C4orf50: variants seen among roughly 807,000 people sequenced by gnomAD.
The protein encoded by C4orf50 is uncharacterized protein C4orf50.
In C4orf50, 80 loss-of-function variants were observed where a neutral mutation model predicts 77.2. The ratio of observed to expected loss-of-function variants is 1.04; its 90% CI spans 0.87 to 1.25. The LOEUF (loss-of-function observed/expected upper bound fraction) is 1.25. C4orf50 is among the 50% of genes most tolerant of loss of function. C4orf50 has a pLI of 0.00. For synonymous variants in C4orf50, 532 were observed against 465.3 expected (o/e 1.14, Z -1.84); for missense variants, 1,257 against 1,152.9 (o/e 1.09, Z -1.31).
In C4orf50 at chr4:5,959,932, G is replaced by A. The variant is rs145109541; in HGVS notation, c.4276-306C>T. 7.0e-4 allele frequency among the ~76,000 whole-genome samples: 106 copies of A among 152,214 alleles called. No individual in the cohort carries two copies. The East Asian group carries it at 7.8e-3, about 11-fold the overall frequency. On this transcript the variant is annotated intron_variant, in intron 33 of 33. Coordinates refer to ENST00000531445, the Ensembl canonical transcript of C4orf50. ...CATGAGCGGGCGTTCCTGTAGAGTG[G>A]ATATCCTCTATAAATTTTCTCCTTC...
intron 7 of C4orf50, among the ~76,000 whole-genome samples, chr4:5,946,856 A>G (rs924869036): frequency 3.3e-5 from 5 of 152,272 alleles, no homozygotes; most frequent in Non-Finnish European, 7.3e-5. Flanking sequence ...TTCTGCAGAA[A>G]GTAAAGATTG....
At position 5,908,870 on chromosome 4, in the gene C4orf50, T is replaced by C. The variant is rs917324050; in HGVS notation, c.*2475-10682A>G. Among the ~76,000 whole-genome samples, 9 of 152,136 alleles carry C rather than the reference T, an allele frequency of 5.9e-5. No homozygotes were observed. The highest frequency in any genetic ancestry group is 1.9e-4 in the African/African-American group (8 of 41,432). On this transcript the variant is annotated intron_variant, in intron 7 of 7. Coordinates refer to the C4orf50 transcript ENST00000324058. The surrounding 1 kb of genome is among the most constrained non-coding windows in gnomAD (Gnocchi z 5.6). Reference sequence around the variant, plus strand: ...TCAAAGAAGAACCAGCCTGACCTACTTCAAAGATTTAAAATGCCTGGAAAG... The same window carrying C: ...TCAAAGAAGAACCAGCCTGACCTACCTCAAAGATTTAAAATGCCTGGAAAG...
chr4:5,907,489 T>G lies in C4orf50; in HGVS notation c.*2475-9301A>C, dbSNP rs1246426188. On this transcript the variant is annotated intron_variant, in intron 7 of 7. Transcript: ENST00000324058. ...ATTCTAAAAGAAGACTTTAAAATAT[T>G]AATGATCACAATATTTGCATATATG... 2.6e-5 allele frequency among the ~76,000 whole-genome samples: 4 copies of G among 152,178 alleles called. No individual in the cohort carries two copies. The East Asian group carries it at 7.7e-4, about 29-fold the overall frequency.
intron 7 of C4orf50, among the ~76,000 whole-genome samples, chr4:5,943,929 T>G (rs1718375894): frequency 6.6e-6 from 1 of 152,192 alleles, no homozygotes; most frequent in Admixed American, 6.5e-5. Flanking sequence ...TGACAGGGCA[T>G]GGCCAGACAG....
At chr4:5,959,772 C>T in intron 33 of C4orf50, 146 bp from the exon 12 acceptor site, 1 of 896,664 alleles carries the variant, frequency 1.1e-6, no homozygotes, top group East Asian at 2.7e-5. Context: ...ATACTCCTCA[C>T]ACATTGGCTC....
At chr4:5,995,543 G>C (rs887322360) in intron 25 of C4orf50, among the ~76,000 whole-genome samples, 1 of 148,178 alleles carries the variant, frequency 6.7e-6, no homozygotes, top group African/African-American at 2.5e-5. Context: ...CCACTCACGA[G>C]GGGCTGGGCA....
chr4:6,011,645 A>C lies in C4orf50; in HGVS notation c.426+185T>G, dbSNP rs1722497986. On this transcript the variant is annotated intron_variant, in intron 24 of 33. Coordinates refer to ENST00000531445, the Ensembl canonical transcript of C4orf50. This position sits in a 1 kb window ranked among gnomAD's most constrained non-coding sequence, Gnocchi z 4.2. The stretch of plus-strand genomic sequence containing the variant: ...CAGCAAGTGTACAGCCCCCACCCCC[A>C]CATCCCTGCATGCCCCAGGCCCCGC... Among the ~76,000 whole-genome samples, 1 of 151,844 alleles carries C rather than the reference A, an allele frequency of 6.6e-6. No individual in the cohort carries two copies. The highest frequency in any genetic ancestry group is 2.4e-5 in the African/African-American group (1 of 41,332).
Position 5,916,619 on chromosome 4 carries a change from CA to C in C4orf50, c.*2475-18432del, listed in dbSNP as rs1717037776. Among the ~76,000 whole-genome samples the C allele has an allele frequency of 6.6e-6, 1 of 152,182 alleles. No homozygotes were observed. Among genetic ancestry groups the C allele is most frequent in the Non-Finnish European group, 1.5e-5 (1 of 68,038 alleles). ...TCAAAAGCAGAGCCTGAGACCCAGA[CA>C]GGGGTGCAGGTGGTTTATTTGGGGG... On this transcript the variant is annotated intron_variant, in intron 7 of 7. Coordinates refer to the C4orf50 transcript ENST00000324058. The surrounding 1 kb of genome is among the most constrained non-coding windows in gnomAD (Gnocchi z 4.4).
intron 25 of C4orf50, among the ~76,000 whole-genome samples, chr4:6,004,393 G>A (rs370246318): frequency 6.7e-5 from 2 of 30,030 alleles, no homozygotes; most frequent in African/African-American, 1.7e-4. Context: ...GGTGATGGTG[G>A]TGATGGTGAT....
intron 31 of C4orf50, among the ~76,000 whole-genome samples, chr4:5,973,190 A>G (rs751422346): frequency 7.8e-4 from 118 of 152,166 alleles, no homozygotes; most frequent in Non-Finnish European, 1.2e-3. Flanking sequence ...GGCCACGTGC[A>G]ATGGAGCACA....
At chr4:5,924,738 G>C (rs1178658399) in intron 7 of C4orf50, among the ~76,000 whole-genome samples, 1 of 152,188 alleles carries the variant, frequency 6.6e-6, no homozygotes, top group African/African-American at 2.4e-5. Context: ...TGGGGAGAGG[G>C]GTATCCACTT....
rs1487218697 is a variant in C4orf50 at position 6,008,335 on chromosome 4, G to A, written c.624C>T (p.Asn208=). The change falls in exon 25 of 34, where the codon AAC becomes AAT. Residue 208 remains asparagine, a synonymous_variant. Coordinates refer to ENST00000531445, the Ensembl canonical transcript of C4orf50. This position sits in a 1 kb window ranked among gnomAD's most constrained non-coding sequence, Gnocchi z 6.0. The stretch of plus-strand genomic sequence containing the variant: ...CCGCGGCGCGGCAGAGGCGCCGCAC[G>A]TTGCGCTCCAGCCGCTGCACCTGCT... 3.1e-5 allele frequency: 12 copies of A among 389,356 alleles called. No individual in the cohort carries two copies. Among genetic ancestry groups the A allele is most frequent in the Admixed American group, 1.3e-4 (3 of 22,378 alleles). The allele number at this position is 389,356 out of a possible 1,614,324, so 24.1% of individuals were successfully genotyped here.
chr4:5,989,492 C>T (rs568171098), exon 28 of C4orf50: 21 of 1,536,122 alleles, frequency 1.4e-5, no homozygotes, highest in Admixed American at 1.2e-4. Context: ...TGAGAGTGAG[C>T]TCTCTCCCAG....
rs573948612 is a variant in C4orf50 at position 5,924,563 on chromosome 4, G to A, written c.*2475-26375C>T. Among the ~76,000 whole-genome samples, 55 of 152,298 alleles carry A rather than the reference G, an allele frequency of 3.6e-4. 1 individual carries two copies. In the South Asian group the frequency reaches 0.011, roughly 30 times the overall value. ...GGCCTGGCCCCGAGCATGAGCCGCTGTGAACCGTCAATCCCTGGCTATAGG... is the reference window on the plus strand; with the variant it reads ...GGCCTGGCCCCGAGCATGAGCCGCTATGAACCGTCAATCCCTGGCTATAGG... On this transcript the variant is annotated intron_variant, in intron 7 of 7. Transcript: ENST00000324058.
At chr4:5,954,300 C>T (rs1036882743), downstream of C4orf50, among the ~76,000 whole-genome samples, 3 of 152,010 alleles carry the variant, frequency 2.0e-5, no homozygotes, top group African/African-American at 7.2e-5. The surrounding 1 kb of genome is among the most constrained non-coding windows in gnomAD (Gnocchi z 4.7). Flanking sequence ...TACCAGGGAC[C>T]CAGCCCCGGG....
chr4:5,937,765 A>G (rs570320852), intron 7 of C4orf50, among the ~76,000 whole-genome samples: 8 of 152,310 alleles, frequency 5.3e-5, no homozygotes, highest in African/African-American at 1.9e-4. Flanking sequence ...TACTAGCCCA[A>G]GAAACTCAGA....
intron 23 of C4orf50, among the ~76,000 whole-genome samples, chr4:6,012,565 C>A (rs1722532914): frequency 6.6e-6 from 1 of 152,208 alleles, no homozygotes; most frequent in African/African-American, 2.4e-5. Flanking sequence ...ATTACTTAGT[C>A]TTCCAGATGA....
rs531372262 is a variant in C4orf50, at chr4:5,916,604, A to G, written c.*2475-18416T>C. Among the ~76,000 whole-genome samples, 2 of 152,304 alleles carry G rather than the reference A, an allele frequency of 1.3e-5. No individual in the cohort carries two copies. Among genetic ancestry groups the G allele is most frequent in the South Asian group, 4.1e-4 (2 of 4,826 alleles). On this transcript the variant is annotated intron_variant, in intron 7 of 7. Coordinates refer to the C4orf50 transcript ENST00000324058. This position sits in a 1 kb window ranked among gnomAD's most constrained non-coding sequence, Gnocchi z 4.4. ...TTGGATTGGGCACCCTCAAAAGCAGAGCCTGAGACCCAGACAGGGGTGCAG... is the reference window on the plus strand; with the variant it reads ...TTGGATTGGGCACCCTCAAAAGCAGGGCCTGAGACCCAGACAGGGGTGCAG...
chr4:5,988,525 C>A (rs751250160), exon 28 of C4orf50: 1 of 1,537,988 alleles, frequency 6.5e-7, no homozygotes, highest in East Asian at 2.4e-5. Context: ...ATCAGCACCG[C>A]GTCTGGAATT....
Sources: allele counts gnomAD v4.1 joint callset (sites outside exome capture counted in the v4.1 genomes callset), GRCh38; gene constraint gnomAD v4.1.1; non-coding constraint Gnocchi (gnomAD v3.1); transcripts MANE v1.5; gene names NCBI Gene and HGNC (gene_info 2026-07-23, HGNC 2026-07-21).